The following NRXN3 variants were observed in gnomAD, a reference collection of about 807,000 sequenced individuals.
NRXN3 encodes neurexin III.
A neutral mutation model predicts 137.6 loss-of-function variants in NRXN3; 32 were observed. That is an observed-to-expected ratio of 0.23 (90% CI 0.18 to 0.31). The LOEUF (loss-of-function observed/expected upper bound fraction) is 0.31. NRXN3 is among the 10% of genes least tolerant of loss of function. NRXN3 has a pLI of 1.00. For synonymous variants in NRXN3, 798 were observed against 784.5 expected, an observed-to-expected ratio of 1.02 and a Z score of -0.29; for missense variants, 1,574 against 2,062.5, an observed-to-expected ratio of 0.76 and a Z score of 4.59.
chr14:79,501,105 A>G (rs1010053379), intron 16 of NRXN3, among the ~76,000 whole-genome samples: 1 of 152,212 alleles, frequency 6.6e-6, no homozygotes. Context: ...TATAGTTCAT[A>G]AAAACTCCAG....
At chr14:78,761,821 G>A (rs2098693283) in intron 8 of NRXN3, among the ~76,000 whole-genome samples, 2 of 152,146 alleles carry the variant, frequency 1.3e-5, no homozygotes, top group Non-Finnish European at 2.9e-5. Flanking sequence ...ATGAGTGCTG[G>A]TGAGCACTTT....
chr14:78,210,523 G>A (rs921586514), intron 1 of NRXN3, among the ~76,000 whole-genome samples: 5 of 152,176 alleles, frequency 3.3e-5, no homozygotes, highest in African/African-American at 1.2e-4. Context: ...TGTTTGAGGT[G>A]TAAGCCATGT....
intron 4 of NRXN3, among the ~76,000 whole-genome samples, chr14:78,541,787 A>G (rs1310832294): frequency 6.6e-6 from 1 of 152,152 alleles, no homozygotes. Context: ...TTGGTGACCT[A>G]CAGATGGGGT....
chr14:79,711,107 AAGAC>A (rs2098802403), intron 19 of NRXN3, among the ~76,000 whole-genome samples: 1 of 152,234 alleles, frequency 6.6e-6, no homozygotes, highest in African/African-American at 2.4e-5. Context: ...TTGACTAAAA[AAGAC>A]AGAAACCGTA....
At chr14:78,684,276 G>C (rs1177957919) in intron 6 of NRXN3, among the ~76,000 whole-genome samples, 1 of 152,148 alleles carries the variant, frequency 6.6e-6, no homozygotes, top group Non-Finnish European at 1.5e-5. Context: ...GGGCACAATA[G>C]GGTTGGCTTA....
At chr14:79,546,865 G>A (rs767050186) in intron 16 of NRXN3, among the ~76,000 whole-genome samples, 11 of 152,110 alleles carry the variant, frequency 7.2e-5, no homozygotes, top group Non-Finnish European at 1.3e-4. Context: ...CCCCTGCTGC[G>A]GGGAGAGCAG....
intron 15 of NRXN3, among the ~76,000 whole-genome samples, chr14:78,999,657 T>C (rs2153103860): frequency 6.6e-6 from 1 of 152,314 alleles, no homozygotes; most frequent in South Asian, 2.1e-4. Context: ...TTTTCAATCT[T>C]GCCCTTCTCC....
At position 79,685,508 on chromosome 14, in the gene NRXN3, T is replaced by G. The variant is rs918794282; in HGVS notation, c.3617-6665T>G. On this transcript the variant is annotated intron_variant, in intron 17 of 20. Coordinates refer to ENST00000335750, the MANE Select transcript of NRXN3 (RefSeq NM_001330195.2). ...TTGTTAATTTATAACATGGCCTTTT[T>G]GAGAGGGGCTCTTAAATAAAGAATT... 2.4e-4 allele frequency among the ~76,000 whole-genome samples: 37 copies of G among 152,224 alleles called. 2 individuals are homozygous for G. Among genetic ancestry groups the G allele is most frequent in the Admixed American group, 2.4e-3 (36 of 15,276 alleles).
At position 79,105,597 on chromosome 14, in the gene NRXN3, G is replaced by A. The variant is rs546696362; in HGVS notation, c.3262+117456G>A. Among the ~76,000 whole-genome samples the A allele has an allele frequency of 6.6e-5, 10 of 152,156 alleles. No homozygotes were observed. In the East Asian group the frequency reaches 1.7e-3, roughly 26 times the overall value. Reference sequence around the variant, plus strand: ...TCCTCCTTCCCAAGCATTTCCCCATGTTTCCTTCCACCCCCAAATTCTTAC... The same window carrying A: ...TCCTCCTTCCCAAGCATTTCCCCATATTTCCTTCCACCCCCAAATTCTTAC... On this transcript the variant is annotated intron_variant, in intron 15 of 20. Coordinates refer to ENST00000335750, the MANE Select transcript of NRXN3 (RefSeq NM_001330195.2).
intron 16 of NRXN3, among the ~76,000 whole-genome samples, chr14:79,600,664 G>C (rs961265384): frequency 6.6e-6 from 1 of 152,160 alleles, no homozygotes; most frequent in African/African-American, 2.4e-5. Context: ...GAGAATGCCA[G>C]AAGAGTGGGG....
intron 4 of NRXN3, among the ~76,000 whole-genome samples, chr14:78,571,223 A>G (rs1447938219): frequency 6.6e-6 from 1 of 152,206 alleles, no homozygotes; most frequent in Non-Finnish European, 1.5e-5. Flanking sequence ...TATTTTAAAG[A>G]TAACTGACCA....
intron 1 of NRXN3, among the ~76,000 whole-genome samples, chr14:78,230,034 A>AT (rs2065173078): frequency 6.6e-6 from 1 of 151,612 alleles, no homozygotes; most frequent in South Asian, 2.1e-4. Context: ...TTTATTTTGT[A>AT]TTTTTCTTGA....
intron 3 of NRXN3, among the ~76,000 whole-genome samples, chr14:78,288,164 G>T (rs1407145371): frequency 1.3e-5 from 2 of 152,122 alleles, no homozygotes; most frequent in East Asian, 3.9e-4. Context: ...ATTTTTAGTA[G>T]AGACAGTGTT....
At chr14:78,977,488 A>G (rs1442214034) in intron 14 of NRXN3, among the ~76,000 whole-genome samples, 2 of 152,108 alleles carry the variant, frequency 1.3e-5, no homozygotes, top group African/African-American at 4.8e-5. Flanking sequence ...CAGACTCCTC[A>G]GTTTACATTT....
chr14:79,220,906 C>T (rs2069490773), intron 15 of NRXN3, among the ~76,000 whole-genome samples: 2 of 151,774 alleles, frequency 1.3e-5, no homozygotes, highest in South Asian at 4.2e-4. Flanking sequence ...CCTCCCCTAG[C>T]CCCCATTCCC....
chr14:78,276,611 C>T (rs2073635239), intron 2 of NRXN3, among the ~76,000 whole-genome samples: 1 of 152,156 alleles, frequency 6.6e-6, no homozygotes, highest in Non-Finnish European at 1.5e-5. Flanking sequence ...GAAGATGACT[C>T]TTAGAAGTTA....
chr14:79,616,821 A>G (rs950074940), intron 16 of NRXN3, among the ~76,000 whole-genome samples: 2 of 152,212 alleles, frequency 1.3e-5, no homozygotes, highest in Non-Finnish European at 2.9e-5. Flanking sequence ...TGCTGTTTGG[A>G]TAGTCGAACT....
intron 4 of NRXN3, among the ~76,000 whole-genome samples, chr14:78,486,239 G>T (rs1446795201): frequency 3.3e-5 from 5 of 152,066 alleles, no homozygotes; most frequent in Non-Finnish European, 7.4e-5. Flanking sequence ...GACCTCCTGG[G>T]GCCTACCTTT....
At chr14:79,168,513 T>A (rs999753900) in intron 15 of NRXN3, among the ~76,000 whole-genome samples, 3 of 152,072 alleles carry the variant, frequency 2.0e-5, no homozygotes, top group Admixed American at 6.6e-5. Flanking sequence ...ATGATGTTTT[T>A]AAATTTTTTA....
Sources: gnomAD v4.1 joint callset for allele counts (sites outside exome capture counted in the v4.1 genomes callset) on GRCh38, gnomAD v4.1.1 for gene constraint, MANE v1.5 for transcripts, NCBI Gene and HGNC (gene_info 2026-07-23, HGNC 2026-07-21) for gene names.